The following ARHGEF19 variants were observed in gnomAD, a reference collection of about 807,000 sequenced individuals.
ARHGEF19 encodes Rho guanine nucleotide exchange factor (GEF) 19.
In ARHGEF19, 92 loss-of-function variants were observed where a neutral mutation model predicts 87.6. That is an observed-to-expected ratio of 1.05 (90% confidence interval 0.89 to 1.25). ARHGEF19 has a LOEUF of 1.25. Ranked by LOEUF, ARHGEF19 falls within the 50% of genes most tolerant of loss-of-function variation. The pLI is 0.00. For synonymous variants in ARHGEF19, 438 were observed against 446.2 expected, an observed-to-expected ratio of 0.98 and a Z score of 0.23; for missense variants, 1,054 against 1,051.8, an observed-to-expected ratio of 1.00 and a Z score of -0.03.
intron 14 of ARHGEF19, among the ~76,000 whole-genome samples, chr1:16,199,692 C>T (rs971180846): frequency 1.6e-4 from 22 of 141,616 alleles, no homozygotes; most frequent in African/African-American, 5.5e-4. Flanking sequence ...CAAGCTGCAT[C>T]GCTCCCGTTT....
chr1:16,202,436 G>GT lies in ARHGEF19; in HGVS notation c.2045_2046insA (p.Phe682LeufsTer10), dbSNP rs1557538568. The GT allele has an allele frequency of 6.2e-7, 1 of 1,613,942 alleles. No homozygotes were observed. The highest frequency in any genetic ancestry group is 1.1e-5 in the South Asian group (1 of 91,052). ...CTCACTCCGTCCGGGCCCGCAGCAG[G>GT]AACTGGTGCTTCATGTGCTGCCCGT... On this transcript the variant is annotated frameshift_variant, in exon 13 of 16. Coordinates refer to ENST00000270747, the MANE Select transcript of ARHGEF19 (RefSeq NM_153213.5). LOFTEE classifies it high-confidence loss of function.
Position 16,198,590 on chromosome 1 carries a change from C to T in ARHGEF19, c.2406G>A (p.Val802=). The part of the protein sequence containing the change: ...SATSKLGEAP[V] ...GGTCCTAGGCCATGGCTGCCCATCA[C>T]ACAGGAGCCTCCCCCAGTTTGCTGG... The change falls in exon 16 of 16, where the codon GTG becomes GTA. Residue 802 remains valine, a synonymous_variant. Coordinates refer to ENST00000270747, the MANE Select transcript of ARHGEF19 (RefSeq NM_153213.5). The surrounding 1 kb of genome is among the most constrained non-coding windows in gnomAD (Gnocchi z 4.1). 1.2e-6 allele frequency: 2 copies of T among 1,606,844 alleles called. No homozygotes were observed. Among genetic ancestry groups the T allele is most frequent in the Non-Finnish European group, 1.7e-6 (2 of 1,176,092 alleles).
Position 16,208,316 on chromosome 1 carries a change from G to A in ARHGEF19, c.413-91C>T, listed in dbSNP as rs1404820295. On this transcript the variant is annotated intron_variant, in intron 2 of 15. Transcript: ENST00000270747. The stretch of plus-strand genomic sequence containing the variant: ...CCCCTGGCCCTGAGCACCTGGGGAG[G>A]TTCAGGCACCATGCCCAAGGGAAGG... The A allele has an allele frequency of 2.1e-6, 3 of 1,447,358 alleles. No homozygotes were observed. The East Asian group carries it at 7.3e-5, about 35-fold the overall frequency. 89.7% of individuals were successfully genotyped at this position (1,447,358 alleles called of 1,614,324 possible).
At chr1:16,202,264 G>T in intron 13 of ARHGEF19, 152 bp downstream of exon 13, 1 of 1,233,250 alleles carries the variant, frequency 8.1e-7, no homozygotes, top group Non-Finnish European at 1.1e-6. Flanking sequence ...CCTGTGTCCT[G>T]CCCAAGTCAG....
At chr1:16,210,459 C>T (rs1436526113) in intron 1 of ARHGEF19, among the ~76,000 whole-genome samples, 1 of 152,178 alleles carries the variant, frequency 6.6e-6, no homozygotes, top group Admixed American at 6.5e-5. Context: ...AAACAGAGAC[C>T]ACTTAGCCAG....
At chr1:16,201,370 AC>A (rs1354534336) in intron 14 of ARHGEF19, among the ~76,000 whole-genome samples, 2 of 152,098 alleles carry the variant, frequency 1.3e-5, no homozygotes, top group African/African-American at 4.8e-5. Flanking sequence ...ACCTGCCACC[AC>A]TACCCCCACC....
In ARHGEF19 at chr1:16,207,793, A is replaced by G; in HGVS notation, c.695-16T>C. 1.9e-6 allele frequency: 3 copies of G among 1,612,586 alleles called. No homozygotes were observed. Among genetic ancestry groups the G allele is most frequent in the Non-Finnish European group, 2.5e-6 (3 of 1,179,792 alleles). ...GATGCTTTCCCTGGAGAGGGCGAGA[A>G]CTGAGGGTGGGGGGTCCAGAGAGTG... On this transcript the variant is annotated splice_polypyrimidine_tract_variant and intron_variant, in intron 3 of 15. Coordinates refer to ENST00000270747, the MANE Select transcript of ARHGEF19 (RefSeq NM_153213.5). This position sits in a 1 kb window ranked among gnomAD's most constrained non-coding sequence, Gnocchi z 4.0.
rs200482299 is a variant in ARHGEF19 at position 16,205,962 on chromosome 1, C to T, written c.1420G>A (p.Ala474Thr). The change falls in exon 8 of 16, where the codon GCC becomes ACC. Residue 474 changes from alanine (A) to threonine (T), a missense_variant. Ala to Thr is a moderately conservative substitution (Grantham distance 58). Transcript: ENST00000270747. This position sits in a 1 kb window ranked among gnomAD's most constrained non-coding sequence, Gnocchi z 5.8. ...CGCTGGTAGGTGCGCTCCTGGTAGGCCTGGTTGGTGACATAGGGCAGGTAG... is the reference window on the plus strand; with the variant it reads ...CGCTGGTAGGTGCGCTCCTGGTAGGTCTGGTTGGTGACATAGGGCAGGTAG... Reference protein sequence around the residue: ...RVYLPYVTNQAYQERTYQRLL... With the variant: ...RVYLPYVTNQTYQERTYQRLL... 1.0e-4 allele frequency: 167 copies of T among 1,611,274 alleles called. 1 individual carries two copies. The highest frequency in any genetic ancestry group is 6.5e-4 in the East Asian group (29 of 44,804).
In ARHGEF19 at chr1:16,208,916, A is replaced by G. The variant is rs148225711; in HGVS notation, c.139T>C (p.Cys47Arg). Residue 47 changes from cysteine (C) to arginine (R), a missense_variant, in exon 2 of 16, where the codon TGT (cysteine) becomes CGT (arginine). Physicochemically the swap from Cys to Arg is radical, Grantham distance 180. Coordinates refer to ENST00000270747, the MANE Select transcript of ARHGEF19 (RefSeq NM_153213.5). ...LPALKPPSPV[C>R]LDLFPVAPEE... The stretch of plus-strand genomic sequence containing the variant: ...GGGGCAACAGGGAAAAGGTCCAGAC[A>G]CACTGGGCTCGGGGGCTTCAGGGCG... 29 of 1,591,366 alleles carry G rather than the reference A, an allele frequency of 1.8e-5. No individual in the cohort carries two copies. The African/African-American group carries it at 3.5e-4, about 19-fold the overall frequency.
At chr1:16,208,257 G>A (rs1422535763) in intron 2 of ARHGEF19, 32 bp from the exon 3 acceptor site, 5 of 1,598,612 alleles carry the variant, frequency 3.1e-6, no homozygotes, top group East Asian at 2.2e-5. Context: ...GAGAGCACGG[G>A]CTGGGGTCTC....
In ARHGEF19 at chr1:16,198,767, C is replaced by G. The variant is rs1385659661; in HGVS notation, c.2252-23G>C. ...AGCCTAGGGACACATAGGCCAAGAACAACAGCATCAAAGGGGTACCAGGGC... is the reference window on the plus strand; with the variant it reads ...AGCCTAGGGACACATAGGCCAAGAAGAACAGCATCAAAGGGGTACCAGGGC... On this transcript the variant is annotated intron_variant, in intron 15 of 15. Coordinates refer to ENST00000270747, the MANE Select transcript of ARHGEF19 (RefSeq NM_153213.5). The surrounding 1 kb of genome is among the most constrained non-coding windows in gnomAD (Gnocchi z 4.1). 11 of 1,578,482 alleles carry G rather than the reference C, an allele frequency of 7.0e-6. No homozygotes were observed. In the Admixed American group the frequency reaches 2.0e-4, roughly 29 times the overall value.
chr1:16,209,385 G>T (rs1165263880), intron 1 of ARHGEF19, among the ~76,000 whole-genome samples: 1 of 152,156 alleles, frequency 6.6e-6, no homozygotes. Context: ...TTGGTAAATG[G>T]TGGAGCCAGG....
intron 1 of ARHGEF19, 110 bp from the exon 2 acceptor site, chr1:16,209,193 T>C (rs942336764): frequency 2.9e-6 from 2 of 680,406 alleles, no homozygotes; most frequent in Admixed American, 4.2e-5. Flanking sequence ...TACACACATC[T>C]CCACAAACAC....
Position 16,207,106 on chromosome 1 carries a change from C to A in ARHGEF19, c.979G>T (p.Gly327Trp). ...AGGTTGGCCCGCGGCGGCCCCGGCCCCTCCTCTGCGCCCTCGGCCTCGTCC... is the reference window on the plus strand; with the variant it reads ...AGGTTGGCCCGCGGCGGCCCCGGCCACTCCTCTGCGCCCTCGGCCTCGTCC... ...PGDEAEGAEE[G>W]PGPPRANLSP... Residue 327 changes from glycine (G) to tryptophan (W), a missense_variant, in exon 6 of 16, where the codon GGG becomes TGG. Transcript: ENST00000270747. The surrounding 1 kb of genome is among the most constrained non-coding windows in gnomAD (Gnocchi z 4.0). The A allele has an allele frequency of 6.6e-7, 1 of 1,512,980 alleles. No homozygotes were observed. Among genetic ancestry groups the A allele is most frequent in the Non-Finnish European group, 8.8e-7 (1 of 1,134,628 alleles). 93.7% of individuals were successfully genotyped at this position (1,512,980 alleles called of 1,614,324 possible).
Position 16,205,134 on chromosome 1 carries a change from T to A in ARHGEF19, c.1699A>T (p.Thr567Ser). ...TTGCTCAGGTGGATGAGTTCCTCTG[T>A]CCTCTTCATGGACTGTACACTAGCA... ...CNASVQSMKR[T>S]EELIHLSKKI... The change falls in exon 11 of 16, where the codon ACA becomes TCA. Residue 567 changes from threonine to serine, a missense_variant. By Grantham distance (58) the Thr-to-Ser change is moderately conservative. Coordinates refer to ENST00000270747, the MANE Select transcript of ARHGEF19 (RefSeq NM_153213.5). The surrounding 1 kb of genome is among the most constrained non-coding windows in gnomAD (Gnocchi z 5.8). 2 of 1,605,760 alleles carry A rather than the reference T, an allele frequency of 1.2e-6. No homozygotes were observed. Among genetic ancestry groups the A allele is most frequent in the Non-Finnish European group, 1.7e-6 (2 of 1,176,194 alleles).
chr1:16,207,383 G>A lies in ARHGEF19; in HGVS notation c.874+139C>T. 7.7e-7 allele frequency: 1 copy of A among 1,306,828 alleles called. No individual in the cohort carries two copies. Among genetic ancestry groups the A allele is most frequent in the Non-Finnish European group, 1.0e-6 (1 of 956,126 alleles). 81.0% of individuals were successfully genotyped at this position (1,306,828 alleles called of 1,614,324 possible). On this transcript the variant is annotated intron_variant, in intron 5 of 15. Transcript: ENST00000270747. The surrounding 1 kb of genome is among the most constrained non-coding windows in gnomAD (Gnocchi z 4.0). ...TCCATAAACAAATTGAGCACCTACT[G>A]AGTGCTAGATACCGACAGTTCCATT...
rs754582009 is a variant in ARHGEF19, at chr1:16,206,257, C to T, written c.1221G>A (p.Glu407=). 3 of 1,591,734 alleles carry T rather than the reference C, an allele frequency of 1.9e-6. No homozygotes were observed. The highest frequency in any genetic ancestry group is 1.3e-5 in the African/African-American group (1 of 74,708). ...CCTGCGCCCCCAGACACTCGCTCAG[C>T]TCGGCAGAGCCTAAGAAGTGGCCCA... ...VAVGHFLGSA[E]LSECLGAQDK... is the part of the protein sequence containing the mutation. The change falls in exon 7 of 16, where the codon GAG becomes GAA. Residue 407 remains glutamate, a synonymous_variant. Coordinates refer to ENST00000270747, the MANE Select transcript of ARHGEF19 (RefSeq NM_153213.5). This position sits in a 1 kb window ranked among gnomAD's most constrained non-coding sequence, Gnocchi z 4.6.
chr1:16,205,392 C>T lies in ARHGEF19; in HGVS notation c.1615G>A (p.Asp539Asn), dbSNP rs779256096. Residue 539 changes from aspartate (D) to asparagine (N), a missense_variant, in exon 10 of 16, where the codon GAC (aspartate) becomes AAC (asparagine). Coordinates refer to ENST00000270747, the MANE Select transcript of ARHGEF19 (RefSeq NM_153213.5). The surrounding 1 kb of genome is among the most constrained non-coding windows in gnomAD (Gnocchi z 5.8). ...AAGGCCTTGGTGGCCATGTCTTCGTCTTCAGAGCCCTGTGCTGTCCGCTTC... is the reference window on the plus strand; with the variant it reads ...AAGGCCTTGGTGGCCATGTCTTCGTTTTCAGAGCCCTGTGCTGTCCGCTTC... Reference protein sequence around the residue: ...ILKRTAQGSEDEDMATKAFNA... With the variant: ...ILKRTAQGSENEDMATKAFNA... The T allele has an allele frequency of 9.3e-6, 15 of 1,613,286 alleles. No homozygotes were observed. The East Asian group carries it at 3.3e-4, about 36-fold the overall frequency.
Position 16,207,242 on chromosome 1 carries a change from G to T in ARHGEF19, c.875-32C>A, listed in dbSNP as rs754316747. 17 of 1,474,550 alleles carry T rather than the reference G, an allele frequency of 1.2e-5. No homozygotes were observed. The South Asian group carries it at 2.2e-4, about 19-fold the overall frequency. 91.3% of individuals were successfully genotyped at this position (1,474,550 alleles called of 1,614,324 possible). On this transcript the variant is annotated intron_variant, in intron 5 of 15. Transcript: ENST00000270747. This position sits in a 1 kb window ranked among gnomAD's most constrained non-coding sequence, Gnocchi z 4.0. ...GAAAGACGGGCGGGGGAGAGCGTGG[G>T]GCGCCCGCCAGCCCCTGCCCGGCTT...
Sources: gnomAD v4.1 joint callset for allele counts (sites outside exome capture counted in the v4.1 genomes callset) on GRCh38, gnomAD v4.1.1 for gene constraint, Gnocchi (gnomAD v3.1) non-coding constraint, MANE v1.5 for transcripts, NCBI Gene and HGNC (gene_info 2026-07-23, HGNC 2026-07-21) for gene names.